LRP1B: variants seen among roughly 807,000 people sequenced by gnomAD.
LRP1B encodes the protein LDL receptor related protein 1B.
In LRP1B, 217 loss-of-function variants were observed where a neutral mutation model predicts 556.6. That is an observed-to-expected ratio of 0.39 (90% CI 0.35 to 0.44). The LOEUF (loss-of-function observed/expected upper bound fraction) is 0.44. Ranked by LOEUF, LRP1B falls within the 20% of genes least tolerant of loss-of-function variation. The pLI is 1.00. For synonymous variants in LRP1B, 2,047 were observed against 1,865.8 expected, an observed-to-expected ratio of 1.10 and a Z score of -2.50; for missense variants, 5,053 against 5,620.8, an observed-to-expected ratio of 0.90 and a Z score of 3.23.
chr2:141,290,175 A>T (rs187261563), intron 3 of LRP1B, among the ~76,000 whole-genome samples: 90 of 152,260 alleles, frequency 5.9e-4, no homozygotes, highest in Admixed American at 4.3e-3. Flanking sequence ...ACACCCTTTT[A>T]TGGAAAATCT....
At chr2:140,528,708 T>A (rs527342327) in intron 47 of LRP1B, among the ~76,000 whole-genome samples, 1 of 151,708 alleles carries the variant, frequency 6.6e-6, no homozygotes, top group African/African-American at 2.4e-5. Context: ...TTGTAAGCAG[T>A]AGGAGCAAGG....
chr2:141,807,964 C>T (rs970743298), intron 2 of LRP1B, among the ~76,000 whole-genome samples: 5 of 152,044 alleles, frequency 3.3e-5, no homozygotes, highest in African/African-American at 1.2e-4. Flanking sequence ...TCACCTACTT[C>T]GACATGCATT....
At chr2:142,117,094 C>T (rs184010254) in intron 1 of LRP1B, among the ~76,000 whole-genome samples, 3 of 152,122 alleles carry the variant, frequency 2.0e-5, no homozygotes, top group East Asian at 3.9e-4. Flanking sequence ...ACTTCCCACA[C>T]GGAATATTTT....
Position 141,218,810 on chromosome 2 carries a change from G to A in LRP1B, c.850+10373C>T, listed in dbSNP as rs559525539. Among the ~76,000 whole-genome samples the A allele has an allele frequency of 4.6e-5, 7 of 152,272 alleles. No homozygotes were observed. The East Asian group carries it at 1.4e-3, about 29-fold the overall frequency. Reference sequence around the variant, plus strand: ...GAGGGGAGAGGAGCCAAGATGGCCAGTTAGAAGCAGCTCCAGTCTGCAGTT... The same window carrying A: ...GAGGGGAGAGGAGCCAAGATGGCCAATTAGAAGCAGCTCCAGTCTGCAGTT... On this transcript the variant is annotated intron_variant, in intron 6 of 90. Transcript: ENST00000389484.
intron 2 of LRP1B, among the ~76,000 whole-genome samples, chr2:141,778,228 G>A (rs1695139259): frequency 1.3e-5 from 2 of 152,154 alleles, no homozygotes; most frequent in African/African-American, 4.8e-5. Context: ...TGATTAGACT[G>A]CATCTGATTC....
intron 11 of LRP1B, among the ~76,000 whole-genome samples, chr2:141,033,798 C>T (rs76435207): frequency 1.3e-5 from 2 of 152,110 alleles, no homozygotes; most frequent in Non-Finnish European, 1.5e-5. Context: ...TGTTGAAGTA[C>T]CTCCTACCTC....
Position 140,395,541 on chromosome 2 carries a change from G to C in LRP1B, c.10415-9532C>G, listed in dbSNP as rs191745113. Among the ~76,000 whole-genome samples, 82 of 152,334 alleles carry C rather than the reference G, an allele frequency of 5.4e-4. No homozygotes were observed. In the East Asian group the frequency reaches 0.014, roughly 27 times the overall value. On this transcript the variant is annotated intron_variant, in intron 66 of 90. Coordinates refer to ENST00000389484, the MANE Select transcript of LRP1B (RefSeq NM_018557.3). ...GACAGGTTATGTGGACGCACCAGCA[G>C]TTAAGAATAACAGTGCCAGCTGCAG...
At chr2:141,791,155 C>G (rs1213979978) in intron 2 of LRP1B, among the ~76,000 whole-genome samples, 1 of 151,580 alleles carries the variant, frequency 6.6e-6, no homozygotes, top group Admixed American at 6.6e-5. Context: ...ATTCCTGACA[C>G]CACAAGCAAT....
At chr2:141,656,146 A>G (rs1431991469) in intron 2 of LRP1B, among the ~76,000 whole-genome samples, 1 of 152,184 alleles carries the variant, frequency 6.6e-6, no homozygotes, top group African/African-American at 2.4e-5. Flanking sequence ...GAAGTCAGGC[A>G]TTCTAACTTC....
chr2:140,589,747 G>T (rs571923712), intron 43 of LRP1B, among the ~76,000 whole-genome samples: 1 of 152,252 alleles, frequency 6.6e-6, no homozygotes, highest in East Asian at 1.9e-4. Flanking sequence ...TCTTTATAAA[G>T]AAGTTATAAA....
intron 11 of LRP1B, among the ~76,000 whole-genome samples, chr2:141,036,228 T>G (rs966033482): frequency 1.3e-5 from 2 of 151,946 alleles, no homozygotes; most frequent in Non-Finnish European, 2.9e-5. Context: ...ACTACCATAA[T>G]AGCAGATTAA....
At chr2:141,780,700 A>G (rs1695225239) in intron 2 of LRP1B, among the ~76,000 whole-genome samples, 1 of 152,208 alleles carries the variant, frequency 6.6e-6, no homozygotes, top group South Asian at 2.1e-4. Flanking sequence ...CATTCTTTAG[A>G]TGAACCTTAT....
At chr2:141,986,379 A>G (rs1702187052) in intron 1 of LRP1B, among the ~76,000 whole-genome samples, 1 of 151,972 alleles carries the variant, frequency 6.6e-6, no homozygotes, top group African/African-American at 2.4e-5. Flanking sequence ...GCCAATGTAA[A>G]TACAGTTTCA....
At chr2:140,403,566 G>A (rs1056781288) in intron 66 of LRP1B, among the ~76,000 whole-genome samples, 3 of 151,938 alleles carry the variant, frequency 2.0e-5, no homozygotes, top group Non-Finnish European at 4.4e-5. Flanking sequence ...AATCAAGTCA[G>A]ACAAAGATAA....
chr2:141,327,716 T>A (rs985486014), intron 3 of LRP1B, among the ~76,000 whole-genome samples: 6 of 152,186 alleles, frequency 3.9e-5, no homozygotes, highest in African/African-American at 1.4e-4. Flanking sequence ...GAAAGTATAG[T>A]CTGCCTTTTC....
intron 2 of LRP1B, among the ~76,000 whole-genome samples, chr2:141,524,889 C>G (rs1206008994): frequency 6.6e-6 from 1 of 151,664 alleles, no homozygotes; most frequent in African/African-American, 2.4e-5. Context: ...AACAGTGCAA[C>G]CTGATGCAGG....
chr2:141,588,745 C>T (rs983002795), intron 2 of LRP1B, among the ~76,000 whole-genome samples: 3 of 151,984 alleles, frequency 2.0e-5, no homozygotes, highest in African/African-American at 4.8e-5. Context: ...AATAAGAACC[C>T]GGTGAATGAA....
rs113008904 is a variant in LRP1B at position 140,327,883 on chromosome 2, A to T, written c.12224-2005T>A. Among the ~76,000 whole-genome samples the T allele has an allele frequency of 7.0e-3, 1,062 of 152,126 alleles. 10 individuals are homozygous for T. The highest frequency in any genetic ancestry group is 0.023 in the African/African-American group (949 of 41,522). On this transcript the variant is annotated intron_variant, in intron 79 of 90. Transcript: ENST00000389484. ...TTGGATGGAATTACATCTTGATAAA[A>T]ATTATATAACAAAGTTTATGGATGA...
At chr2:141,297,515 A>G (rs1212253135) in intron 3 of LRP1B, among the ~76,000 whole-genome samples, 6 of 152,168 alleles carry the variant, frequency 3.9e-5, no homozygotes, top group Admixed American at 2.0e-4. Context: ...AAATCTGAAC[A>G]TAGTCTATAG....
Sources: gnomAD v4.1 joint callset for allele counts (sites outside exome capture counted in the v4.1 genomes callset) on GRCh38, gnomAD v4.1.1 for gene constraint, MANE v1.5 for transcripts, NCBI Gene and HGNC (gene_info 2026-07-23, HGNC 2026-07-21) for gene names.